The following STMN4 variants were observed in gnomAD, a reference collection of about 807,000 sequenced individuals.
STMN4 encodes stathmin 4, also known as stathmin-4.
A neutral mutation model predicts 29.1 loss-of-function variants in STMN4; 12 were observed. That is an observed-to-expected ratio of 0.41 (90% CI 0.26 to 0.67). The LOEUF (loss-of-function observed/expected upper bound fraction) is 0.67. STMN4 is among the 30% of genes least tolerant of loss of function. STMN4 has a pLI of 0.30. For synonymous variants in STMN4, 114 were observed against 105.3 expected, an observed-to-expected ratio of 1.08 and a Z score of -0.51; for missense variants, 181 against 262.8, an observed-to-expected ratio of 0.69 and a Z score of 2.15.
intron 5 of STMN4, 73 bp downstream of exon 5, chr8:27,240,981 T>A: frequency 6.8e-7 from 1 of 1,476,302 alleles, no homozygotes; most frequent in Non-Finnish European, 9.2e-7. Flanking sequence ...CCAGCTCAGG[T>A]CCACCACCTG....
intron 5 of STMN4, 50 bp from the exon 6 acceptor site, chr8:27,240,212 G>A (rs1801430353): frequency 6.4e-7 from 1 of 1,573,198 alleles, no homozygotes; most frequent in Non-Finnish European, 8.6e-7. Flanking sequence ...AGTGTGCCAG[G>A]GTTTATTTTC....
intron 6 of STMN4, among the ~76,000 whole-genome samples, chr8:27,238,514 C>T (rs1163361136): frequency 1.3e-5 from 2 of 152,236 alleles, no homozygotes; most frequent in African/African-American, 4.8e-5. Context: ...GCCTCTGAAT[C>T]TACCGATCTC....
intron 1 of STMN4, among the ~76,000 whole-genome samples, chr8:27,253,907 C>T (rs1035756494): frequency 7.2e-5 from 11 of 152,018 alleles, no homozygotes; most frequent in African/African-American, 2.2e-4. Flanking sequence ...CTCAGCCTCC[C>T]GAGGAGCTGG....
intron 5 of STMN4, among the ~76,000 whole-genome samples, chr8:27,240,490 T>C (rs1045615888): frequency 1.3e-5 from 2 of 152,218 alleles, no homozygotes. Flanking sequence ...TAAAAAAAAG[T>C]CTCACAGAGG....
Position 27,246,683 on chromosome 8 carries a change from C to T in STMN4, c.-78-2882G>A, listed in dbSNP as rs192154029. Among the ~76,000 whole-genome samples the T allele has an allele frequency of 1.2e-4, 18 of 152,240 alleles. No homozygotes were observed. The East Asian group carries it at 2.9e-3, about 25-fold the overall frequency. ...ACTGAGAGAAAAGGCCATGTGCAGA[C>T]GGAGGCAGAGATGGGAGTAAGGCAG... On this transcript the variant is annotated intron_variant, in intron 1 of 6. Coordinates refer to ENST00000350889, the MANE Select transcript of STMN4 (RefSeq NM_030795.4).
intron 2 of STMN4, 56 bp from the exon 3 acceptor site, chr8:27,242,548 C>T: frequency 6.4e-7 from 1 of 1,571,804 alleles, no homozygotes. Context: ...CAGAAGTCAG[C>T]GTCCTCACGG....
At chr8:27,243,865 G>C in intron 1 of STMN4, 64 bp from the exon 2 acceptor site, 2 of 1,457,476 alleles carry the variant, frequency 1.4e-6, no homozygotes, top group Non-Finnish European at 1.9e-6. Flanking sequence ...TCATAAGAAA[G>C]GTCTTTATAC....
intron 1 of STMN4, among the ~76,000 whole-genome samples, chr8:27,254,362 C>G (rs532298671): frequency 6.6e-6 from 1 of 152,334 alleles, no homozygotes; most frequent in African/African-American, 2.4e-5. Flanking sequence ...GCTCCTTTCT[C>G]TGGATTCATA....
intron 3 of STMN4, chr8:27,242,116 A>T: frequency 1.8e-6 from 1 of 565,290 alleles, no homozygotes. Context: ...TCACCTTTGC[A>T]TACCCCCCAG....
At chr8:27,242,144 C>T (rs1801492878) in intron 3 of STMN4, 2 of 574,826 alleles carry the variant, frequency 3.5e-6, no homozygotes, top group Admixed American at 6.0e-5. Flanking sequence ...TTGCTGGATG[C>T]ATGCACAGAG....
At chr8:27,257,459 AACACACACACACACAC>A (rs59516183) in intron 1 of STMN4, among the ~76,000 whole-genome samples, 17 of 137,812 alleles carry the variant, frequency 1.2e-4, no homozygotes, top group South Asian at 2.5e-4. Context: ...CCCCCATACA[AACACACACACACACAC>A]ACACACACAC....
chr8:27,242,405 T>C lies in STMN4; in HGVS notation c.101A>G (p.Lys34Arg), dbSNP rs374300955. The C allele has an allele frequency of 6.2e-7, 1 of 1,614,088 alleles. No homozygotes were observed. The highest frequency in any genetic ancestry group is 1.3e-5 in the African/African-American group (1 of 75,048). ...LADPLNKSSY[K>R]YEGWCGRQCR... ...GCTGAGCCTTCACTGACCTTCATAT[T>C]TGTAGGACGACTTATTCAGGGGATC... The change falls in exon 3 of 7, where the codon AAA becomes AGA. Residue 34 changes from lysine (K) to arginine (R), a missense_variant. Physicochemically the swap from Lys to Arg is conservative, Grantham distance 26. Coordinates refer to ENST00000350889, the MANE Select transcript of STMN4 (RefSeq NM_030795.4).
intron 1 of STMN4, among the ~76,000 whole-genome samples, chr8:27,248,829 A>T (rs1801704215): frequency 6.6e-6 from 1 of 152,226 alleles, no homozygotes; most frequent in Non-Finnish European, 1.5e-5. Flanking sequence ...ATCTGGCAAC[A>T]TTCGTTTGGG....
chr8:27,239,118 G>A (rs1432601453), intron 6 of STMN4: 3 of 1,336,830 alleles, frequency 2.2e-6, no homozygotes, highest in Admixed American at 2.6e-5. Context: ...CAGGGCCTAC[G>A]CAACATTCAG....
At chr8:27,242,168 G>T (rs1041039803) in intron 3 of STMN4, 28 of 586,232 alleles carry the variant, frequency 4.8e-5, no homozygotes, top group Non-Finnish European at 6.7e-5. Context: ...ACAAGATCGA[G>T]TGCACTCTGG....
chr8:27,256,139 T>A lies in STMN4; in HGVS notation c.-79+2212A>T, dbSNP rs549289997. On this transcript the variant is annotated intron_variant, in intron 1 of 6. Coordinates refer to ENST00000350889, the MANE Select transcript of STMN4 (RefSeq NM_030795.4). ...GACAAGTACTGTATGATTCCACTTA[T>A]CTGAGGTACCTAGAGGAGTTAAATT... Among the ~76,000 whole-genome samples the A allele has an allele frequency of 5.3e-5, 8 of 152,296 alleles. No homozygotes were observed. In the South Asian group the frequency reaches 1.7e-3, roughly 32 times the overall value.
At chr8:27,242,051 G>T in intron 3 of STMN4, 1 of 562,656 alleles carries the variant, frequency 1.8e-6, no homozygotes, top group Non-Finnish European at 3.2e-6. Context: ...GACTCACATC[G>T]TCTCATCTTC....
intron 6 of STMN4, chr8:27,239,109 AGGGCCTAC>A: frequency 8.0e-7 from 1 of 1,255,330 alleles, no homozygotes; most frequent in South Asian, 1.6e-5. Context: ...GGCCAGCTCC[AGGGCCTAC>A]GCAACATTCA....
intron 2 of STMN4, 97 bp from the exon 3 acceptor site, chr8:27,242,589 T>A: frequency 7.9e-7 from 1 of 1,268,204 alleles, no homozygotes; most frequent in Non-Finnish European, 1.1e-6. Flanking sequence ...CAGGGTTCCA[T>A]AAAGGCACTC....
Sources: allele counts gnomAD v4.1 joint callset (sites outside exome capture counted in the v4.1 genomes callset), GRCh38; gene constraint gnomAD v4.1.1; transcripts MANE v1.5; gene names NCBI Gene and HGNC (gene_info 2026-07-23, HGNC 2026-07-21).